AKAP1: variants seen among roughly 807,000 people sequenced by gnomAD.
AKAP1 encodes the protein A-kinase anchor protein 1, mitochondrial.
Under a neutral mutation model 79.8 loss-of-function variants are expected in AKAP1, and 32 were observed. That is an observed-to-expected ratio of 0.40 (90% confidence interval 0.30 to 0.54). AKAP1 has a LOEUF of 0.54. Among genes scored for constraint, AKAP1 ranks in the 20% least tolerant of loss-of-function variants. The pLI, the probability that AKAP1 is intolerant of heterozygous loss-of-function variation, is 0.47. For missense variants in AKAP1, 961 were observed against 1,138.9 expected, an observed-to-expected ratio of 0.84 and a Z score of 2.25; for synonymous variants, 416 against 466.7, an observed-to-expected ratio of 0.89 and a Z score of 1.40.
chr17:57,096,021 T>C (rs1914090331), intron 1 of AKAP1: 2 of 152,172 alleles, frequency 1.3e-5, no homozygotes, highest in Non-Finnish European at 2.9e-5. Context: ...AATGAAGTGA[T>C]TAGGAAGACC....
In AKAP1 at chr17:57,118,971, C is replaced by T; in HGVS notation, c.2575-11C>T. The stretch of plus-strand genomic sequence containing the variant: ...CCTAACCATATTATTCTTTCCACCC[C>T]CCTTCTTCAGGTGACAAGTTACAGT... On this transcript the variant is annotated splice_polypyrimidine_tract_variant and intron_variant, in intron 9 of 10. Transcript: ENST00000337714. 6.2e-7 allele frequency: 1 copy of T among 1,612,934 alleles called. No homozygotes were observed. Among genetic ancestry groups the T allele is most frequent in the Non-Finnish European group, 8.5e-7 (1 of 1,179,030 alleles).
rs201653507 is a variant in AKAP1 at position 57,110,050 on chromosome 17, C to T, written c.1740C>T (p.Ser580=). ...GTTCTGACAGGAACAGCATGGATTC[C>T]GTGGATAGCTGTTGCAGTCTCAAGA... ...SGGSDRNSMD[S]VDSCCSLKKT... The change falls in exon 3 of 11, where the codon TCC becomes TCT. Residue 580 remains serine (S), a synonymous_variant. Transcript: ENST00000337714. The T allele has an allele frequency of 2.9e-5, 46 of 1,613,994 alleles. No homozygotes were observed. The highest frequency in any genetic ancestry group is 4.0e-5 in the African/African-American group (3 of 74,936).
intron 5 of AKAP1, 109 bp downstream of exon 5, chr17:57,112,727 C>G (rs1915329097): frequency 7.0e-7 from 1 of 1,426,550 alleles, no homozygotes; most frequent in African/African-American, 1.4e-5. Flanking sequence ...CACATGAGTG[C>G]CTGCGCCCTC....
chr17:57,096,597 G>A (rs1914128421), intron 1 of AKAP1: 1 of 152,290 alleles, frequency 6.6e-6, no homozygotes, highest in African/African-American at 2.4e-5. Context: ...ACAGGCCCCT[G>A]AGGATGAAGG....
At chr17:57,114,158 G>C (rs1259728332) in intron 5 of AKAP1, among the ~76,000 whole-genome samples, 3 of 152,186 alleles carry the variant, frequency 2.0e-5, no homozygotes, top group Non-Finnish European at 4.4e-5. Context: ...GCAAGGCCCA[G>C]CACTACCTCC....
chr17:57,091,930 T>TGATC (rs1913811359), intron 1 of AKAP1, among the ~76,000 whole-genome samples: 1 of 152,072 alleles, frequency 6.6e-6, no homozygotes, highest in South Asian at 2.1e-4. Context: ...TAGGCTCAAG[T>TGATC]GATCATTCCA....
intron 7 of AKAP1, 58 bp from the exon 8 acceptor site, chr17:57,116,802 T>C (rs1261126849): frequency 8.7e-6 from 13 of 1,492,006 alleles, no homozygotes; most frequent in Non-Finnish European, 1.2e-5. Flanking sequence ...GAATACTGGC[T>C]TGGAGTGGAG....
rs754308966 is a variant in AKAP1 at position 57,114,487 on chromosome 17, AG to A, written c.2134del (p.Val712SerfsTer50). ...WLMLPDGITV[E>X]VIVVNQVNAG... is the part of the protein sequence containing the mutation. ...ATGCTGCCTGATGGCATCACCGTGG[AG>A]GTCATTGTGGTCAACCAGGTCAATG... On this transcript the variant is annotated frameshift_variant, in exon 6 of 11. Coordinates refer to ENST00000337714, the MANE Select transcript of AKAP1 (RefSeq NM_003488.4). LOFTEE classifies it high-confidence loss of function. 3 of 1,613,970 alleles carry A rather than the reference AG, an allele frequency of 1.9e-6. No homozygotes were observed. Among genetic ancestry groups the A allele is most frequent in the Non-Finnish European group, 2.5e-6 (3 of 1,180,028 alleles).
intron 2 of AKAP1, among the ~76,000 whole-genome samples, chr17:57,107,616 G>A (rs887039378): frequency 5.3e-5 from 8 of 152,080 alleles, no homozygotes; most frequent in Non-Finnish European, 1.0e-4. Context: ...GGGTTTATAG[G>A]TGTGAGTCAC....
chr17:57,101,450 C>T (rs1187687570), intron 1 of AKAP1: 1 of 152,112 alleles, frequency 6.6e-6, no homozygotes, highest in Non-Finnish European at 1.5e-5. Flanking sequence ...CAACCCCCGC[C>T]TCCCAAAGTG....
chr17:57,109,109 G>GATT (rs1250205823), intron 2 of AKAP1, among the ~76,000 whole-genome samples: 1 of 152,214 alleles, frequency 6.6e-6, no homozygotes, highest in Non-Finnish European at 1.5e-5. Flanking sequence ...CTTGGCAAAG[G>GATT]ATTATACTCA....
chr17:57,088,317 ACAT>A (rs1913583528), intron 1 of AKAP1, among the ~76,000 whole-genome samples: 1 of 152,204 alleles, frequency 6.6e-6, no homozygotes, highest in South Asian at 2.1e-4. Context: ...GCTGTGGAAA[ACAT>A]CATCAGTGAG....
At chr17:57,107,584 G>A (rs193257572) in intron 2 of AKAP1, among the ~76,000 whole-genome samples, 22 of 152,168 alleles carry the variant, frequency 1.4e-4, no homozygotes, top group African/African-American at 4.8e-4. Context: ...TGATCCTTCC[G>A]CCCTCGGCCT....
chr17:57,085,877 C>G (rs1349054025), intron 1 of AKAP1: 1 of 160,060 alleles, frequency 6.2e-6, no homozygotes, highest in Non-Finnish European at 1.4e-5. Flanking sequence ...GTCGTGTGTA[C>G]ACAGTCTGAG....
chr17:57,089,845 C>T (rs34234955), intron 1 of AKAP1, among the ~76,000 whole-genome samples: 30,764 of 152,060 alleles, frequency 0.2, 3,487 homozygotes, highest in East Asian at 0.4. Context: ...GGGACAGGAG[C>T]GTGAAGCAAA....
chr17:57,089,197 C>T (rs978826939), intron 1 of AKAP1, among the ~76,000 whole-genome samples: 1 of 152,134 alleles, frequency 6.6e-6, no homozygotes, highest in Non-Finnish European at 1.5e-5. Context: ...TGGAGTTAGA[C>T]CAAACGTGCC....
At chr17:57,088,839 GGTTTGATA>G (rs1219580352) in intron 1 of AKAP1, among the ~76,000 whole-genome samples, 1 of 152,146 alleles carries the variant, frequency 6.6e-6, no homozygotes, top group African/African-American at 2.4e-5. Context: ...TTTCCGGCTT[GGTTTGATA>G]GTTTGCAGCA....
Position 57,120,314 on chromosome 17 carries a change from C to T in AKAP1, c.2702C>T (p.Thr901Ile). ...GCCCAGTGGGTAGACAGCTACTACA[C>T]AAGCCTTTGACCCCCATGCTGCTTC... ...GLAQWVDSYYTSL is the reference protein window; with the variant it reads ...GLAQWVDSYYISL Residue 901 changes from threonine to isoleucine, a missense_variant, in exon 11 of 11, where the codon ACA becomes ATA. Thr to Ile is a moderately conservative substitution (Grantham distance 89). Around this residue, in one of 3 missense-constraint regions of AKAP1, gnomAD observed 629 missense variants for 781.1 expected, o/e 0.81. Coordinates refer to ENST00000337714, the MANE Select transcript of AKAP1 (RefSeq NM_003488.4). The T allele has an allele frequency of 6.2e-7, 1 of 1,613,764 alleles. No homozygotes were observed. The highest frequency in any genetic ancestry group is 8.5e-7 in the Non-Finnish European group (1 of 1,179,886).
chr17:57,104,915 T>A (rs1239704484), intron 1 of AKAP1, among the ~76,000 whole-genome samples: 3 of 152,248 alleles, frequency 2.0e-5, no homozygotes, highest in African/African-American at 7.2e-5. Context: ...ATTGGGAATT[T>A]TATTCCTCCT....
Sources: allele counts gnomAD v4.1 joint callset (sites outside exome capture counted in the v4.1 genomes callset), GRCh38; gene constraint gnomAD v4.1.1; regional missense constraint gnomAD v4.1.1; transcripts MANE v1.5; gene names NCBI Gene and HGNC (gene_info 2026-07-23, HGNC 2026-07-21).